The following FTMT variants were observed in gnomAD, a reference collection of about 807,000 sequenced individuals.
FTMT encodes ferritin, mitochondrial.
In FTMT, 5 loss-of-function variants were observed where a neutral mutation model predicts 4.9. The observed-to-expected ratio is 1.03, with a 90% CI of 0.54 to 2.16. FTMT has a LOEUF of 2.16. FTMT is among the 30% of genes most tolerant of loss of function. The probability of loss-of-function intolerance (pLI) is 0.01; values close to 1 mark genes in which losing one functional copy is unlikely to be tolerated. For missense variants in FTMT, 393 were observed against 323.0 expected (o/e 1.22, Z -1.66); for synonymous variants, 174 against 143.6 (o/e 1.21, Z -1.51).
At position 121,852,313 on chromosome 5, in the gene FTMT, A is replaced by G. The variant is rs1235664477; in HGVS notation, c.350A>G (p.His117Arg). Reference protein sequence around the residue: ...ALNNFSRYFLHQSREETEHAE... With the variant: ...ALNNFSRYFLRQSREETEHAE... ...AACAACTTCTCCAGGTATTTCCTTC[A>G]CCAGTCCCGGGAGGAGACCGAGCAC... The change falls in exon 1 of 1, where the codon CAC becomes CGC. Residue 117 changes from histidine (H) to arginine (R), a missense_variant. Transcript: ENST00000321339. 3.7e-6 allele frequency: 6 copies of G among 1,613,844 alleles called. No homozygotes were observed. Among genetic ancestry groups the G allele is most frequent in the Non-Finnish European group, 4.2e-6 (5 of 1,179,992 alleles).
At position 121,852,703 on chromosome 5, in the gene FTMT, G is replaced by A; in HGVS notation, c.*11G>A. ...AACAAGCAGAACTAAGCCACGAGCT[G>A]CCTTCCTCCCAGGCTAGTGGATCCA... On this transcript the variant is annotated 3_prime_UTR_variant, in exon 1 of 1. Coordinates refer to ENST00000321339, the MANE Select transcript of FTMT (RefSeq NM_177478.2). The A allele has an allele frequency of 1.2e-6, 2 of 1,605,252 alleles. No homozygotes were observed. Among genetic ancestry groups the A allele is most frequent in the Non-Finnish European group, 1.7e-6 (2 of 1,174,758 alleles).
Position 121,852,749 on chromosome 5 carries a change from CCTG to C in FTMT, c.*60_*62del. On this transcript the variant is annotated 3_prime_UTR_variant, in exon 1 of 1. Transcript: ENST00000321339. ...ATCCAAAGACCAAAGTCAGCTGTCT[CCTG>C]CTTTCTTGCCCTTAAAATCACCTCC... 1 of 1,546,574 alleles carries C rather than the reference CCTG, an allele frequency of 6.5e-7. No individual in the cohort carries two copies. Among genetic ancestry groups the C allele is most frequent in the South Asian group, 1.3e-5 (1 of 79,750 alleles).
rs1750078986 is a variant in FTMT, at chr5:121,852,698, G to A, written c.*6G>A. The A allele has an allele frequency of 6.8e-6, 11 of 1,607,048 alleles. No individual in the cohort carries two copies. In the East Asian group the frequency reaches 1.1e-4, roughly 16 times the overall value. On this transcript the variant is annotated 3_prime_UTR_variant, in exon 1 of 1. Coordinates refer to ENST00000321339, the MANE Select transcript of FTMT (RefSeq NM_177478.2). ...ATGAAAACAAGCAGAACTAAGCCAC[G>A]AGCTGCCTTCCTCCCAGGCTAGTGG...
rs151105887 is a variant in FTMT at position 121,852,502 on chromosome 5, T to C, written c.539T>C (p.Leu180Pro). 6.2e-7 allele frequency: 1 copy of C among 1,614,132 alleles called. No homozygotes were observed. The highest frequency in any genetic ancestry group is 1.1e-5 in the South Asian group (1 of 91,076). Residue 180 changes from leucine to proline, a missense_variant, in exon 1 of 1, where the codon CTA becomes CCA. Coordinates refer to ENST00000321339, the MANE Select transcript of FTMT (RefSeq NM_177478.2). ...VNQSLLELHA[L>P]ASDKGDPHLC... ...CAGTCGTTGCTGGAATTGCACGCTC[T>C]AGCCTCAGATAAAGGTGACCCCCAT...
chr5:121,852,140 C>A lies in FTMT; in HGVS notation c.177C>A (p.Thr59=). ...CAGCCGCCTCCTCCCGGGACCCTAC[C>A]GGGCCCGCCGCCGGCCCCTCTCGGG... ...LAAAASSRDP[T]GPAAGPSRVR... Residue 59 remains threonine (T), a synonymous_variant, in exon 1 of 1, where the codon ACC becomes ACA. Coordinates refer to ENST00000321339, the MANE Select transcript of FTMT (RefSeq NM_177478.2). The A allele has an allele frequency of 1.2e-6, 2 of 1,601,288 alleles. No homozygotes were observed. The highest frequency in any genetic ancestry group is 1.7e-6 in the Non-Finnish European group (2 of 1,174,798).
chr5:121,852,367 A>G lies in FTMT; in HGVS notation c.404A>G (p.Gln135Arg). Residue 135 changes from glutamine to arginine, a missense_variant, in exon 1 of 1, where the codon CAG becomes CGG. Coordinates refer to ENST00000321339, the MANE Select transcript of FTMT (RefSeq NM_177478.2). ...HAEKLMRLQN[Q>R]RGGRIRLQDI... Reference sequence around the variant, plus strand: ...GAGAAGCTGATGAGGCTGCAGAACCAGCGAGGAGGCCGGATCCGCCTGCAG... The same window carrying G: ...GAGAAGCTGATGAGGCTGCAGAACCGGCGAGGAGGCCGGATCCGCCTGCAG... The G allele has an allele frequency of 6.2e-7, 1 of 1,614,196 alleles. No homozygotes were observed. Among genetic ancestry groups the G allele is most frequent in the East Asian group, 2.2e-5 (1 of 44,868 alleles).
rs1554079595 is a variant in FTMT at position 121,852,663 on chromosome 5, A to G, written c.700A>G (p.Thr234Ala). The part of the protein sequence containing the change: ...GLAEYLFDTH[T>A]LGNENKQN ...GGCGGAGTACCTTTTTGACACACAT[A>G]CCCTTGGAAATGAAAACAAGCAGAA... Residue 234 changes from threonine to alanine, a missense_variant, in exon 1 of 1, where the codon ACC (threonine) becomes GCC (alanine). By Grantham distance (58) the Thr-to-Ala change is moderately conservative. Coordinates refer to ENST00000321339, the MANE Select transcript of FTMT (RefSeq NM_177478.2). The G allele has an allele frequency of 1.2e-6, 2 of 1,613,220 alleles. No homozygotes were observed. The highest frequency in any genetic ancestry group is 1.7e-5 in the Admixed American group (1 of 59,896).
In FTMT at chr5:121,852,511, A is replaced by G; in HGVS notation, c.548A>G (p.Asp183Gly). 1 of 1,614,128 alleles carries G rather than the reference A, an allele frequency of 6.2e-7. No homozygotes were observed. The highest frequency in any genetic ancestry group is 8.5e-7 in the Non-Finnish European group (1 of 1,180,030). Residue 183 changes from aspartate to glycine, a missense_variant, in exon 1 of 1, where the codon GAT becomes GGT. Asp to Gly is a moderately conservative substitution (Grantham distance 94, BLOSUM62 -1). Coordinates refer to ENST00000321339, the MANE Select transcript of FTMT (RefSeq NM_177478.2). ...SLLELHALAS[D>G]KGDPHLCDFL... ...CTGGAATTGCACGCTCTAGCCTCAG[A>G]TAAAGGTGACCCCCATTTGTGCGAT...
Position 121,852,205 on chromosome 5 carries a change from A to T in FTMT, c.242A>T (p.Asn81Ile), listed in dbSNP as rs562102475. Residue 81 changes from asparagine to isoleucine, a missense_variant, in exon 1 of 1, where the codon AAC becomes ATC. By Grantham distance (149) the Asn-to-Ile change is moderately radical (BLOSUM62 -3). Coordinates refer to ENST00000321339, the MANE Select transcript of FTMT (RefSeq NM_177478.2). The stretch of plus-strand genomic sequence containing the variant: ...CACCCCGACTCCGAGGCTGCCATCA[A>T]CCGCCAGATCAACCTCGAGCTCTAT... Reference protein sequence around the residue: ...NFHPDSEAAINRQINLELYAS... With the variant: ...NFHPDSEAAIIRQINLELYAS... The T allele has an allele frequency of 9.9e-6, 16 of 1,613,782 alleles. No homozygotes were observed. In the South Asian group the frequency reaches 1.5e-4, roughly 16 times the overall value.
Position 121,852,158 on chromosome 5 carries a change from C to A in FTMT, c.195C>A (p.Pro65=). 1 of 1,610,892 alleles carries A rather than the reference C, an allele frequency of 6.2e-7. No homozygotes were observed. Among genetic ancestry groups the A allele is most frequent in the Non-Finnish European group, 8.5e-7 (1 of 1,178,656 alleles). Residue 65 remains proline, a synonymous_variant, in exon 1 of 1, where the codon CCC becomes CCA. Transcript: ENST00000321339. ...ACCCTACCGGGCCCGCCGCCGGCCC[C>A]TCTCGGGTGCGCCAGAACTTCCACC... ...SRDPTGPAAG[P]SRVRQNFHPD...
rs766818578 is a variant in FTMT, at chr5:121,852,150, G to C, written c.187G>C (p.Ala63Pro). Reference sequence around the variant, plus strand: ...CTCCCGGGACCCTACCGGGCCCGCCGCCGGCCCCTCTCGGGTGCGCCAGAA... The same window carrying C: ...CTCCCGGGACCCTACCGGGCCCGCCCCCGGCCCCTCTCGGGTGCGCCAGAA... Reference protein sequence around the residue: ...ASSRDPTGPAAGPSRVRQNFH... With the variant: ...ASSRDPTGPAPGPSRVRQNFH... The change falls in exon 1 of 1, where the codon GCC (alanine) becomes CCC (proline). Residue 63 changes from alanine to proline, a missense_variant. By Grantham distance (27) the Ala-to-Pro change is conservative. Coordinates refer to ENST00000321339, the MANE Select transcript of FTMT (RefSeq NM_177478.2). 1 of 1,605,566 alleles carries C rather than the reference G, an allele frequency of 6.2e-7. No individual in the cohort carries two copies. The highest frequency in any genetic ancestry group is 8.5e-7 in the Non-Finnish European group (1 of 1,176,470).
In FTMT at chr5:121,852,444, GA is replaced by G; in HGVS notation, c.482del (p.Glu161GlyfsTer10). The stretch of plus-strand genomic sequence containing the variant: ...CTGGGAAAGCGGGCTGCATGCCATG[GA>G]GTGTGCTCTACTCTTGGAAAAGAAC... ...DDWESGLHAMECALLLEKNVN... is the reference protein window; with the variant it reads ...DDWESGLHAMXCALLLEKNVN... On this transcript the variant is annotated frameshift_variant, in exon 1 of 1. Coordinates refer to ENST00000321339, the MANE Select transcript of FTMT (RefSeq NM_177478.2). LOFTEE classifies it high-confidence loss of function. The G allele has an allele frequency of 6.2e-7, 1 of 1,614,126 alleles. No homozygotes were observed. Among genetic ancestry groups the G allele is most frequent in the Non-Finnish European group, 8.5e-7 (1 of 1,180,042 alleles).
Position 121,852,162 on chromosome 5 carries a change from C to G in FTMT, c.199C>G (p.Arg67Gly). Reference sequence around the variant, plus strand: ...TACCGGGCCCGCCGCCGGCCCCTCTCGGGTGCGCCAGAACTTCCACCCCGA... The same window carrying G: ...TACCGGGCCCGCCGCCGGCCCCTCTGGGGTGCGCCAGAACTTCCACCCCGA... ...DPTGPAAGPSRVRQNFHPDSE... is the reference protein window; with the variant it reads ...DPTGPAAGPSGVRQNFHPDSE... The change falls in exon 1 of 1, where the codon CGG becomes GGG. Residue 67 changes from arginine to glycine, a missense_variant. Coordinates refer to ENST00000321339, the MANE Select transcript of FTMT (RefSeq NM_177478.2). 4 of 1,611,190 alleles carry G rather than the reference C, an allele frequency of 2.5e-6. No individual in the cohort carries two copies. The highest frequency in any genetic ancestry group is 3.4e-6 in the Non-Finnish European group (4 of 1,178,744).
rs143840903 is a variant in FTMT, at chr5:121,852,407, G to T, written c.444G>T (p.Pro148=). 3 of 1,614,018 alleles carry T rather than the reference G, an allele frequency of 1.9e-6. No individual in the cohort carries two copies. The highest frequency in any genetic ancestry group is 2.5e-6 in the Non-Finnish European group (3 of 1,180,040). Residue 148 remains proline (P), a synonymous_variant, in exon 1 of 1, where the codon CCG becomes CCT. Coordinates refer to ENST00000321339, the MANE Select transcript of FTMT (RefSeq NM_177478.2). ...TCCGCCTGCAGGACATCAAGAAGCC[G>T]GAACAGGACGACTGGGAAAGCGGGC... is the stretch of plus-strand genomic sequence containing the variant. The part of the protein sequence containing the change: ...GRIRLQDIKK[P]EQDDWESGLH...
chr5:121,852,728 A>G lies in FTMT; in HGVS notation c.*36A>G. ...GCCTTCCTCCCAGGCTAGTGGATCC[A>G]AAGACCAAAGTCAGCTGTCTCCTGC... is the stretch of plus-strand genomic sequence containing the variant. On this transcript the variant is annotated 3_prime_UTR_variant, in exon 1 of 1. Transcript: ENST00000321339. 1 of 1,579,558 alleles carries G rather than the reference A, an allele frequency of 6.3e-7. No individual in the cohort carries two copies.
Position 121,852,470 on chromosome 5 carries a change from C to G in FTMT, c.507C>G (p.Asn169Lys), listed in dbSNP as rs180751758. 1.9e-6 allele frequency: 3 copies of G among 1,613,920 alleles called. No individual in the cohort carries two copies. Among genetic ancestry groups the G allele is most frequent in the Non-Finnish European group, 2.5e-6 (3 of 1,180,024 alleles). The change falls in exon 1 of 1, where the codon AAC becomes AAG. Residue 169 changes from asparagine to lysine, a missense_variant. Asn to Lys is a moderately conservative substitution (Grantham distance 94). Coordinates refer to ENST00000321339, the MANE Select transcript of FTMT (RefSeq NM_177478.2). ...AMECALLLEK[N>K]VNQSLLELHA... ...AGTGTGCTCTACTCTTGGAAAAGAA[C>G]GTGAACCAGTCGTTGCTGGAATTGC...
rs1750052390 is a variant in FTMT at position 121,851,967 on chromosome 5, C to T, written c.4C>T (p.Leu2=). 1 of 1,585,862 alleles carries T rather than the reference C, an allele frequency of 6.3e-7. No individual in the cohort carries two copies. Among genetic ancestry groups the T allele is most frequent in the Non-Finnish European group, 8.5e-7 (1 of 1,173,140 alleles). Residue 2 remains leucine (L), a synonymous_variant, in exon 1 of 1, where the codon CTG becomes TTG. Coordinates refer to ENST00000321339, the MANE Select transcript of FTMT (RefSeq NM_177478.2). M[L]SCFRLLSRHI... is the part of the protein sequence containing the mutation. ...CCACTTCCAAGGAGGCGGCGCTATG[C>T]TGTCCTGCTTCAGGCTCCTCTCCAG...
In FTMT at chr5:121,852,699, A is replaced by G. The variant is rs1049082654; in HGVS notation, c.*7A>G. On this transcript the variant is annotated 3_prime_UTR_variant, in exon 1 of 1. Coordinates refer to ENST00000321339, the MANE Select transcript of FTMT (RefSeq NM_177478.2). Reference sequence around the variant, plus strand: ...TGAAAACAAGCAGAACTAAGCCACGAGCTGCCTTCCTCCCAGGCTAGTGGA... The same window carrying G: ...TGAAAACAAGCAGAACTAAGCCACGGGCTGCCTTCCTCCCAGGCTAGTGGA... 1.9e-6 allele frequency: 3 copies of G among 1,607,028 alleles called. No homozygotes were observed. The highest frequency in any genetic ancestry group is 2.6e-6 in the Non-Finnish European group (3 of 1,175,640).
rs1487571905 is a variant in FTMT, at chr5:121,852,061, C to T, written c.98C>T (p.Ala33Val). 2 of 1,590,408 alleles carry T rather than the reference C, an allele frequency of 1.3e-6. No homozygotes were observed. Among genetic ancestry groups the T allele is most frequent in the African/African-American group, 2.7e-5 (2 of 73,126 alleles). ...TGCTTCGCGCTCCCGCTGCGTTGGGCCCCGGGGCGCCCCTTGGACCCCAGG... is the reference window on the plus strand; with the variant it reads ...TGCTTCGCGCTCCCGCTGCGTTGGGTCCCGGGGCGCCCCTTGGACCCCAGG... ...RCCFALPLRW[A>V]PGRPLDPRQI... Residue 33 changes from alanine to valine, a missense_variant, in exon 1 of 1, where the codon GCC becomes GTC. Physicochemically the swap from Ala to Val is moderately conservative, Grantham distance 64. Transcript: ENST00000321339.
Sources: allele counts gnomAD v4.1 joint callset, GRCh38; gene constraint gnomAD v4.1.1; transcripts MANE v1.5; gene names NCBI Gene and HGNC (gene_info 2026-07-23, HGNC 2026-07-21).